The following SBF2 variants were observed in gnomAD, a reference collection of about 807,000 sequenced individuals.
The protein encoded by SBF2 is myotubularin-related protein 13.
Under a neutral mutation model 225.2 loss-of-function variants are expected in SBF2, and 112 were observed. The ratio of observed to expected loss-of-function variants is 0.50; its 90% confidence interval spans 0.43 to 0.58. The LOEUF is 0.58. Among genes scored for constraint, SBF2 ranks in the 20% least tolerant of loss-of-function variants. SBF2 has a pLI of 0.00. For missense variants in SBF2, 1,996 were observed against 2,206.2 expected (o/e 0.90, Z 1.91); for synonymous variants, 763 against 773.3 (o/e 0.99, Z 0.22).
chr11:10,240,743 T>G (rs1236153976), intron 1 of SBF2, among the ~76,000 whole-genome samples: 1 of 152,176 alleles, frequency 6.6e-6, no homozygotes, highest in Non-Finnish European at 1.5e-5. Flanking sequence ...GGGTAATAAT[T>G]TAGATATATG....
At position 9,786,915 on chromosome 11, in the gene SBF2, C is replaced by T. The variant is rs182043897; in HGVS notation, c.5037+719G>A. ...AATATATATATACATTTTTTTGAGA[C>T]GGAGTCTTGTTCTGTCACGAGGCTG... On this transcript the variant is annotated intron_variant, in intron 36 of 39. Transcript: ENST00000256190. 7.9e-5 allele frequency among the ~76,000 whole-genome samples: 12 copies of T among 152,162 alleles called. No individual in the cohort carries two copies. The South Asian group carries it at 8.3e-4, about 11-fold the overall frequency.
chr11:10,294,836 C>T (rs944310140), upstream of SBF2, among the ~76,000 whole-genome samples: 1 of 152,246 alleles, frequency 6.6e-6, no homozygotes, highest in Non-Finnish European at 1.5e-5. Context: ...CCCCGGGATC[C>T]TCCCGAACTG....
chr11:10,063,852 C>G (rs567128492), intron 2 of SBF2, among the ~76,000 whole-genome samples: 28,961 of 131,430 alleles, frequency 0.22, 3,546 homozygotes, highest in Non-Finnish European at 0.31. Flanking sequence ...CACACACACA[C>G]ACACACAGAG....
intron 8 of SBF2, among the ~76,000 whole-genome samples, chr11:9,998,604 A>G (rs545032591): frequency 6.5e-4 from 99 of 152,342 alleles, no homozygotes; most frequent in African/African-American, 2.3e-3. Flanking sequence ...CCAATAAAAC[A>G]TGAGAAGTGA....
intron 1 of SBF2, among the ~76,000 whole-genome samples, chr11:10,197,895 C>T (rs548172668): frequency 2.0e-5 from 3 of 152,334 alleles, no homozygotes; most frequent in South Asian, 2.1e-4. Context: ...AAGGTTTTAT[C>T]GTGAGATTGT....
At position 9,963,930 on chromosome 11, in the gene SBF2, TA is replaced by T. The variant is rs576134398; in HGVS notation, c.1601-49del. The T allele has an allele frequency of 1.8e-4, 207 of 1,128,074 alleles. No individual in the cohort carries two copies. The African/African-American group carries it at 2.6e-3, about 14-fold the overall frequency. 69.9% of individuals were successfully genotyped at this position (1,128,074 alleles called of 1,614,324 possible). A position where few individuals can be genotyped will look rare whatever the true frequency, so the allele number is the denominator to read the frequency against. ...GCACAAATAAATTAAACTTCTTTGG[TA>T]ATTACAAAAGCAAAGAGACTACTAC... On this transcript the variant is annotated intron_variant, in intron 14 of 39. Coordinates refer to ENST00000256190, the MANE Select transcript of SBF2 (RefSeq NM_030962.4).
chr11:9,847,790 C>A (rs1356096042), intron 22 of SBF2, among the ~76,000 whole-genome samples: 3 of 152,098 alleles, frequency 2.0e-5, no homozygotes, highest in African/African-American at 7.2e-5. Context: ...ACACTCAAGA[C>A]CTCCCTTGAA....
chr11:10,257,482 T>C (rs977808012), intron 1 of SBF2, among the ~76,000 whole-genome samples: 5 of 151,536 alleles, frequency 3.3e-5, no homozygotes, highest in Non-Finnish European at 5.9e-5. Context: ...CTATTATCAG[T>C]AGAAACCTTG....
At chr11:9,925,365 C>T (rs1213210116) in intron 16 of SBF2, among the ~76,000 whole-genome samples, 2 of 152,084 alleles carry the variant, frequency 1.3e-5, no homozygotes, top group Non-Finnish European at 2.9e-5. Context: ...GCAACCTCCA[C>T]CTCCCGGCTT....
chr11:10,258,411 G>C (rs1961093355), intron 1 of SBF2, among the ~76,000 whole-genome samples: 1 of 152,162 alleles, frequency 6.6e-6, no homozygotes, highest in Non-Finnish European at 1.5e-5. Context: ...GCCCAGCCAA[G>C]AGGTAAATAA....
intron 2 of SBF2, among the ~76,000 whole-genome samples, chr11:10,080,564 C>T (rs1240112759): frequency 6.6e-6 from 1 of 151,538 alleles, no homozygotes; most frequent in African/African-American, 2.4e-5. Context: ...AAAAGAATCC[C>T]AAAGGCAAGT....
intron 1 of SBF2, among the ~76,000 whole-genome samples, chr11:10,270,000 A>G (rs1189161329): frequency 6.6e-6 from 1 of 152,194 alleles, no homozygotes; most frequent in Admixed American, 6.5e-5. Flanking sequence ...TTAAAAATCA[A>G]TGCAAAAATC....
intron 30 of SBF2, among the ~76,000 whole-genome samples, chr11:9,809,746 A>G (rs1377576292): frequency 2.0e-5 from 3 of 151,790 alleles, no homozygotes; most frequent in African/African-American, 4.8e-5. Flanking sequence ...AGGTTTCACC[A>G]TGTTGGCCAG....
intron 3 of SBF2, among the ~76,000 whole-genome samples, chr11:10,037,119 A>C (rs1229779586): frequency 2.0e-5 from 3 of 152,188 alleles, no homozygotes; most frequent in Non-Finnish European, 4.4e-5. Context: ...GGGACTGTTA[A>C]GATTCAGCAT....
intron 13 of SBF2, among the ~76,000 whole-genome samples, chr11:9,985,195 G>A (rs1269423534): frequency 3.3e-5 from 5 of 152,202 alleles, no homozygotes; most frequent in African/African-American, 1.2e-4. Context: ...ACTATCTGCT[G>A]CCTTCAGGAG....
intron 14 of SBF2, among the ~76,000 whole-genome samples, chr11:9,967,215 CA>C (rs1275014799): frequency 1.3e-5 from 2 of 151,874 alleles, no homozygotes; most frequent in East Asian, 1.9e-4. Flanking sequence ...ACTAAAAATA[CA>C]AAAAAATTAG....
intron 37 of SBF2, 147 bp from the exon 38 acceptor site, chr11:9,784,585 C>T: frequency 2.9e-6 from 2 of 688,524 alleles, no homozygotes. Context: ...TGGATTTTTT[C>T]TGCTAGACCT....
intron 1 of SBF2, among the ~76,000 whole-genome samples, chr11:10,299,780 C>A (rs1028765850): frequency 1.3e-5 from 2 of 152,218 alleles, no homozygotes; most frequent in African/African-American, 4.8e-5. Context: ...AGTACCACCA[C>A]CGTGCTGCTT....
chr11:10,226,233 A>G (rs780809378), intron 1 of SBF2, among the ~76,000 whole-genome samples: 1 of 152,330 alleles, frequency 6.6e-6, no homozygotes, highest in East Asian at 1.9e-4. Flanking sequence ...CCAAAAAACC[A>G]AGAAAATAAA....
Sources: allele counts gnomAD v4.1 joint callset (sites outside exome capture counted in the v4.1 genomes callset), GRCh38; gene constraint gnomAD v4.1.1; transcripts MANE v1.5; gene names NCBI Gene and HGNC (gene_info 2026-07-23, HGNC 2026-07-21).